The following CSMD3 variants were observed in gnomAD, a reference collection of about 807,000 sequenced individuals.
CSMD3 encodes the protein CUB and sushi domain-containing protein 3.
In CSMD3, 177 loss-of-function variants were observed where a neutral mutation model predicts 435.2. That is an observed-to-expected ratio of 0.41 (90% CI 0.36 to 0.46). The LOEUF is 0.46. Among genes scored for constraint, CSMD3 ranks in the 20% least tolerant of loss-of-function variants. The pLI is 0.34. For synonymous variants in CSMD3, 1,656 were observed against 1,520.5 expected (o/e 1.09, Z -2.07); for missense variants, 4,265 against 4,504.6 (o/e 0.95, Z 1.52).
intron 7 of CSMD3, among the ~76,000 whole-genome samples, chr8:112,972,120 C>A (rs151041722): frequency 1.1e-3 from 168 of 151,914 alleles, no homozygotes; most frequent in African/African-American, 3.9e-3. Context: ...ATCCATGTTT[C>A]TATGTGTTCA....
At chr8:112,569,724 G>T (rs1829351611) in intron 24 of CSMD3, among the ~76,000 whole-genome samples, 1 of 152,146 alleles carries the variant, frequency 6.6e-6, no homozygotes. Context: ...ACTAGAAATT[G>T]TGAGAAGCAT....
At chr8:112,940,503 T>A (rs2083419452) in intron 9 of CSMD3, among the ~76,000 whole-genome samples, 1 of 151,882 alleles carries the variant, frequency 6.6e-6, no homozygotes, top group African/African-American at 2.4e-5. Context: ...AAGTTGGTTA[T>A]AATTTTAAGG....
intron 3 of CSMD3, among the ~76,000 whole-genome samples, chr8:113,266,785 G>A (rs1260463660): frequency 1.3e-5 from 2 of 151,538 alleles, no homozygotes; most frequent in East Asian, 1.9e-4. Context: ...GACAATCATA[G>A]AATAGTAAGT....
chr8:113,380,034 TG>T (rs2094408365), intron 1 of CSMD3, among the ~76,000 whole-genome samples: 1 of 152,154 alleles, frequency 6.6e-6, no homozygotes, highest in Admixed American at 6.5e-5. Context: ...ACCTCACTGT[TG>T]AAAAAGGCAA....
Position 112,306,207 on chromosome 8 carries a change from A to G in CSMD3, c.7886-15T>C. The G allele has an allele frequency of 6.2e-7, 1 of 1,603,942 alleles. No homozygotes were observed. Among genetic ancestry groups the G allele is most frequent in the Non-Finnish European group, 8.5e-7 (1 of 1,171,894 alleles). On this transcript the variant is annotated splice_polypyrimidine_tract_variant and intron_variant, in intron 50 of 70. Transcript: ENST00000297405. ...ACAGGAAATTGCTAGAAAAACATAC[A>G]CACAAGCAAAATCGTATAAACAGAA...
intron 57 of CSMD3, 111 bp downstream of exon 57, chr8:112,289,254 C>T: frequency 1.1e-6 from 1 of 946,482 alleles, no homozygotes; most frequent in South Asian, 1.3e-5. Flanking sequence ...TGAGATTTTT[C>T]AGAGAGAAAT....
At chr8:113,386,786 C>T (rs190883967) in intron 1 of CSMD3, among the ~76,000 whole-genome samples, 174 of 151,742 alleles carry the variant, frequency 1.1e-3, no homozygotes, top group African/African-American at 3.9e-3. Context: ...TTAGTTTTAC[C>T]GAAAACAATC....
At chr8:113,248,389 A>G (rs2093298114) in intron 3 of CSMD3, among the ~76,000 whole-genome samples, 1 of 148,590 alleles carries the variant, frequency 6.7e-6, no homozygotes, top group Non-Finnish European at 1.5e-5. Context: ...TATATAATAT[A>G]CACTATAGAG....
At position 112,528,909 on chromosome 8, in the gene CSMD3, C is replaced by T. The variant is rs180791484; in HGVS notation, c.4565-11684G>A. Among the ~76,000 whole-genome samples the T allele has an allele frequency of 2.0e-5, 3 of 152,118 alleles. No homozygotes were observed. The East Asian group carries it at 5.8e-4, about 30-fold the overall frequency. ...CACAAAGGTCTGGCTTCTGTCTTGC[C>T]AGTCTTGGATCTCTGATGGGACCAG... On this transcript the variant is annotated intron_variant, in intron 27 of 70. Coordinates refer to ENST00000297405, the MANE Select transcript of CSMD3 (RefSeq NM_198123.2).
At chr8:113,369,345 C>T (rs1365599961) in intron 1 of CSMD3, among the ~76,000 whole-genome samples, 1 of 151,806 alleles carries the variant, frequency 6.6e-6, no homozygotes, top group African/African-American at 2.4e-5. Flanking sequence ...AGAACTTTCT[C>T]CTCTGATAAG....
intron 3 of CSMD3, among the ~76,000 whole-genome samples, chr8:113,181,372 T>C (rs187137343): frequency 1.8e-4 from 28 of 152,202 alleles, no homozygotes; most frequent in African/African-American, 6.5e-4. Flanking sequence ...TGTTTTCATA[T>C]TGTGGATACA....
chr8:112,640,186 T>C (rs2074783939), intron 20 of CSMD3, among the ~76,000 whole-genome samples: 1 of 152,022 alleles, frequency 6.6e-6, no homozygotes, highest in Non-Finnish European at 1.5e-5. Context: ...ACTAATGACT[T>C]CACACAAACA....
At chr8:112,686,961 T>G (rs1377307228) in intron 14 of CSMD3, among the ~76,000 whole-genome samples, 1 of 152,148 alleles carries the variant, frequency 6.6e-6, no homozygotes, top group Non-Finnish European at 1.5e-5. Flanking sequence ...TGAACTGTTC[T>G]TCTAGTGTTT....
chr8:113,334,117 T>C (rs559143943), intron 1 of CSMD3, among the ~76,000 whole-genome samples: 3 of 152,040 alleles, frequency 2.0e-5, no homozygotes, highest in East Asian at 1.9e-4. Context: ...TTTGTATCTG[T>C]AACCCAGTTG....
At chr8:112,648,285 T>C (rs2075036286) in intron 19 of CSMD3, among the ~76,000 whole-genome samples, 1 of 152,170 alleles carries the variant, frequency 6.6e-6, no homozygotes, top group South Asian at 2.1e-4. Flanking sequence ...AGAAAAAAAT[T>C]ATTATTAAGT....
At chr8:112,258,383 T>A (rs1432887351) in intron 61 of CSMD3, among the ~76,000 whole-genome samples, 1 of 152,218 alleles carries the variant, frequency 6.6e-6, no homozygotes, top group African/African-American at 2.4e-5. Context: ...TCTATTCATA[T>A]GACAAAGGGC....
chr8:112,471,775 C>T (rs1818549097), intron 32 of CSMD3, among the ~76,000 whole-genome samples: 1 of 152,146 alleles, frequency 6.6e-6, no homozygotes, highest in Admixed American at 6.6e-5. Context: ...CATCCAGGCC[C>T]AGACATTCCT....
chr8:112,610,856 C>T (rs1322277750), intron 22 of CSMD3, among the ~76,000 whole-genome samples: 1 of 152,018 alleles, frequency 6.6e-6, no homozygotes, highest in East Asian at 1.9e-4. Context: ...GCAATGATGG[C>T]CTTCTCTTTG....
Position 112,408,963 on chromosome 8 carries a change from G to A in CSMD3, c.5465C>T (p.Thr1822Ile). 1 of 1,613,608 alleles carries A rather than the reference G, an allele frequency of 6.2e-7. No individual in the cohort carries two copies. Among genetic ancestry groups the A allele is most frequent in the Non-Finnish European group, 8.5e-7 (1 of 1,179,666 alleles). ...GGAAGATAACAGAGAAGATTGCTGA[G>A]TTGGCCCATCATACACCTCAACAAC... ...HDVVEVYDGPTQQSSLLSSLS... is the reference protein window; with the variant it reads ...HDVVEVYDGPIQQSSLLSSLS... Residue 1822 changes from threonine (T) to isoleucine (I), a missense_variant, in exon 33 of 71, where the codon ACT becomes ATT. Around this residue, in one of 3 missense-constraint regions of CSMD3, gnomAD observed 3,255 missense variants for 3,380.2 expected, o/e 0.96. Coordinates refer to ENST00000297405, the MANE Select transcript of CSMD3 (RefSeq NM_198123.2).
Sources: allele counts gnomAD v4.1 joint callset (sites outside exome capture counted in the v4.1 genomes callset), GRCh38; gene constraint gnomAD v4.1.1; regional missense constraint gnomAD v4.1.1; transcripts MANE v1.5; gene names NCBI Gene and HGNC (gene_info 2026-07-23, HGNC 2026-07-21).